Variants in TRIM11 observed in about 807,000 individuals in gnomAD.
TRIM11 encodes the protein tripartite motif containing 11.
In TRIM11, 15 loss-of-function variants were observed where a neutral mutation model predicts 33.4. The observed-to-expected ratio is 0.45, with a 90% confidence interval of 0.30 to 0.69. The LOEUF is 0.69. Among genes scored for constraint, TRIM11 ranks in the 30% least tolerant of loss-of-function variants. The pLI is 0.08. For missense variants in TRIM11, 499 were observed against 667.6 expected, an observed-to-expected ratio of 0.75 and a Z score of 2.78; for synonymous variants, 281 against 302.6, an observed-to-expected ratio of 0.93 and a Z score of 0.74.
Position 228,394,765 on chromosome 1 carries a change from C to T in TRIM11, c.1347G>A (p.Pro449=), listed in dbSNP as rs768928070. 2.4e-5 allele frequency: 38 copies of T among 1,613,434 alleles called. No homozygotes were observed. In the Middle Eastern group the frequency reaches 5.0e-4, roughly 21 times the overall value. Residue 449 remains proline (P), a synonymous_variant, in exon 6 of 6, where the codon CCG becomes CCA. Transcript: ENST00000284551. The surrounding 1 kb of genome is among the most constrained non-coding windows in gnomAD (Gnocchi z 6.2). Reference sequence around the variant, plus strand: ...TCGGCCGGCAGATAGTCATCGGGGTCGGGCTGCTGGACAGGGGTGAGAAGA... The same window carrying T: ...TCGGCCGGCAGATAGTCATCGGGGTTGGGCTGCTGGACAGGGGTGAGAAGA... ...RPLFSPLSSS[P]TPMTICRPKG... is the part of the protein sequence containing the mutation.
rs746662329 is a variant in TRIM11 at position 228,396,993 on chromosome 1, G to A, written c.813C>T (p.Thr271=). ...CTACCAGTCCCGGGACCCTGCACACGGTCCTCAGCTCCATAGGCACAACTT... is the reference window on the plus strand; with the variant it reads ...CTACCAGTCCCGGGACCCTGCACACAGTCCTCAGCTCCATAGGCACAACTT... ...PPEVVPMELR[T]VCRVPGLVET... The change falls in exon 5 of 6, where the codon ACC becomes ACT. Residue 271 remains threonine, a synonymous_variant. Coordinates refer to ENST00000284551, the MANE Select transcript of TRIM11 (RefSeq NM_145214.3). 108 of 1,613,918 alleles carry A rather than the reference G, an allele frequency of 6.7e-5. No individual in the cohort carries two copies. The highest frequency in any genetic ancestry group is 1.6e-4 in the Middle Eastern group (1 of 6,084).
chr1:228,402,640 G>A (rs2149093667), intron 1 of TRIM11: 1 of 153,504 alleles, frequency 6.5e-6, no homozygotes, highest in Non-Finnish European at 1.5e-5. Flanking sequence ...CAAATTCATA[G>A]GTTGAAATCC....
rs1268569990 is a variant in TRIM11, at chr1:228,394,961, CCCAGGAAGACCAGGAT to C, written c.1135_1150del (p.Ile379GlyfsTer69). 1 of 1,614,148 alleles carries C rather than the reference CCCAGGAAGACCAGGAT, an allele frequency of 6.2e-7. No individual in the cohort carries two copies. On this transcript the variant is annotated frameshift_variant, in exon 6 of 6. Transcript: ENST00000284551. LOFTEE classifies it low-confidence loss of function (END_TRUNC). This position sits in a 1 kb window ranked among gnomAD's most constrained non-coding sequence, Gnocchi z 6.2. ...CCGTTCCGAGGAATTGTAATAGCTC[CCCAGGAAGACCAGGAT>C]CCAGAAGCCGTTGCCCGCGGACAGC... is the stretch of plus-strand genomic sequence containing the variant.
chr1:228,406,087 A>AAC lies in TRIM11; in HGVS notation c.408+66_408+67insGT. ...CCCGGAGCAGTCCCCCAAACCTCCC[A>AAC]CCCGCCCAGGCCTCCCCAGTCCCCG... On this transcript the variant is annotated intron_variant, in intron 1 of 5. Coordinates refer to ENST00000284551, the MANE Select transcript of TRIM11 (RefSeq NM_145214.3). The surrounding 1 kb of genome is among the most constrained non-coding windows in gnomAD (Gnocchi z 8.2). 1.6e-6 allele frequency: 1 copy of AAC among 614,412 alleles called. No homozygotes were observed. The highest frequency in any genetic ancestry group is 2.4e-6 in the Non-Finnish European group (1 of 422,684). The allele number at this position is 614,412 out of a possible 1,614,324, so 38.1% of individuals were successfully genotyped here. A position where few individuals can be genotyped will look rare whatever the true frequency, so the allele number is the denominator to read the frequency against.
chr1:228,400,489 AGAG>A lies in TRIM11; in HGVS notation c.735+472_735+474del, dbSNP rs778063743. 6.6e-6 allele frequency among the ~76,000 whole-genome samples: 1 copy of A among 152,192 alleles called. No homozygotes were observed. The highest frequency in any genetic ancestry group is 2.4e-5 in the African/African-American group (1 of 41,436). Reference sequence around the variant, plus strand: ...CATGGGAAAAGACTCTCCTGGAAGCAGAGGAGGAGGAGACTGCCCCCCATAATG... The same window carrying A: ...CATGGGAAAAGACTCTCCTGGAAGCAGAGGAGGAGACTGCCCCCCATAATG... On this transcript the variant is annotated intron_variant, in intron 3 of 5. Transcript: ENST00000284551. This position sits in a 1 kb window ranked among gnomAD's most constrained non-coding sequence, Gnocchi z 4.5.
At position 228,406,340 on chromosome 1, in the gene TRIM11, C is replaced by T. The variant is rs1406416191; in HGVS notation, c.222G>A (p.Met74Ile). Reference protein sequence around the residue: ...NLRPNRPLAKMAEMARRLHPP... With the variant: ...NLRPNRPLAKIAEMARRLHPP... ...GGTGCAGGCGCCGCGCCATCTCGGCCATCTTAGCAAGCGGGCGGTTGGGCC... is the reference window on the plus strand; with the variant it reads ...GGTGCAGGCGCCGCGCCATCTCGGCTATCTTAGCAAGCGGGCGGTTGGGCC... The change falls in exon 1 of 6, where the codon ATG (methionine) becomes ATA (isoleucine). Residue 74 changes from methionine to isoleucine, a missense_variant. By Grantham distance (10) the Met-to-Ile change is conservative. Coordinates refer to ENST00000284551, the MANE Select transcript of TRIM11 (RefSeq NM_145214.3). The surrounding 1 kb of genome is among the most constrained non-coding windows in gnomAD (Gnocchi z 8.2). 3.4e-6 allele frequency: 5 copies of T among 1,483,866 alleles called. No homozygotes were observed. The highest frequency in any genetic ancestry group is 2.7e-5 in the East Asian group (1 of 36,606). The allele number at this position is 1,483,866 out of a possible 1,614,324, so 91.9% of individuals were successfully genotyped here.
intron 5 of TRIM11, chr1:228,396,389 G>A (rs1337624200): frequency 6.2e-6 from 3 of 485,014 alleles, no homozygotes; most frequent in Non-Finnish European, 1.1e-5. Context: ...CTGAGGTGCT[G>A]GGAAGGTGCA....
intron 3 of TRIM11, among the ~76,000 whole-genome samples, chr1:228,399,184 G>T (rs74141225): frequency 0.018 from 2,697 of 152,188 alleles, 91 homozygotes; most frequent in African/African-American, 0.062. Flanking sequence ...CCAACCGGGG[G>T]CCAAGGGTGC....
At chr1:228,402,532 T>C (rs60712895) in intron 1 of TRIM11, 115 of 172,158 alleles carry the variant, frequency 6.7e-4, no homozygotes, top group African/African-American at 2.7e-3. Flanking sequence ...CCCAAGCCAG[T>C]GTCTACTCCT....
intron 3 of TRIM11, among the ~76,000 whole-genome samples, chr1:228,398,396 T>A (rs2075004399): frequency 6.6e-6 from 1 of 152,060 alleles, no homozygotes; most frequent in African/African-American, 2.4e-5. Context: ...GGCAGGCAGA[T>A]CACTTGAGTC....
intron 3 of TRIM11, among the ~76,000 whole-genome samples, chr1:228,399,891 C>CAAAAAAAAAAAAAAA (rs58986540): frequency 3.9e-4 from 36 of 92,456 alleles, no homozygotes; most frequent in Non-Finnish European, 5.9e-4. Context: ...AAAAAAAAAA[C>CAAAAAAAAAAAAAAA]AAAAAAAAAA....
In TRIM11 at chr1:228,406,100, T is replaced by A; in HGVS notation, c.408+54A>T. The A allele has an allele frequency of 1.5e-4, 97 of 668,788 alleles. No individual in the cohort carries two copies. The highest frequency in any genetic ancestry group is 1.9e-4 in the Non-Finnish European group (89 of 477,470). The allele number at this position is 668,788 out of a possible 1,614,324, so 41.4% of individuals were successfully genotyped here. On this transcript the variant is annotated intron_variant, in intron 1 of 5. Transcript: ENST00000284551. This position sits in a 1 kb window ranked among gnomAD's most constrained non-coding sequence, Gnocchi z 8.2. The stretch of plus-strand genomic sequence containing the variant: ...CCCAAACCTCCCACCCGCCCAGGCC[T>A]CCCCAGTCCCCGGCTCCCCGACGCC...
chr1:228,397,926 G>A (rs914265288), intron 3 of TRIM11, among the ~76,000 whole-genome samples: 13 of 152,184 alleles, frequency 8.5e-5, no homozygotes, highest in Non-Finnish European at 1.3e-4. Flanking sequence ...GCATCTACAG[G>A]CCCAAGAGAT....
At position 228,395,520 on chromosome 1, in the gene TRIM11, T is replaced by A; in HGVS notation, c.860-268A>T. On this transcript the variant is annotated intron_variant, in intron 5 of 5. Coordinates refer to ENST00000284551, the MANE Select transcript of TRIM11 (RefSeq NM_145214.3). This position sits in a 1 kb window ranked among gnomAD's most constrained non-coding sequence, Gnocchi z 4.8. ...TATCAAGAGGGAATCTTGGTTGCTT[T>A]TTTTTTTTTTTTTAAAGAGGCAGGG... The A allele has an allele frequency of 3.5e-6, 1 of 288,262 alleles. No individual in the cohort carries two copies. The highest frequency in any genetic ancestry group is 6.4e-6 in the Non-Finnish European group (1 of 156,664). The allele number at this position is 288,262 out of a possible 1,614,324, so 17.9% of individuals were successfully genotyped here. A position where few individuals can be genotyped will look rare whatever the true frequency, so the allele number is the denominator to read the frequency against.
intron 5 of TRIM11, chr1:228,396,151 G>A (rs1178702173): frequency 1.9e-5 from 3 of 156,108 alleles, no homozygotes; most frequent in Non-Finnish European, 4.3e-5. Flanking sequence ...GCTGAGGTGG[G>A]GACCTGAGAG....
chr1:228,406,094 CAGGCCT>C lies in TRIM11; in HGVS notation c.408+54_408+59del. ...CAGTCCCCCAAACCTCCCACCCGCCCAGGCCTCCCCAGTCCCCGGCTCCCCGACGCC... is the reference window on the plus strand; with the variant it reads ...CAGTCCCCCAAACCTCCCACCCGCCCCCCCAGTCCCCGGCTCCCCGACGCC... On this transcript the variant is annotated intron_variant, in intron 1 of 5. Coordinates refer to ENST00000284551, the MANE Select transcript of TRIM11 (RefSeq NM_145214.3). This position sits in a 1 kb window ranked among gnomAD's most constrained non-coding sequence, Gnocchi z 8.2. 3.0e-6 allele frequency: 4 copies of C among 1,312,478 alleles called. No homozygotes were observed. The highest frequency in any genetic ancestry group is 1.6e-5 in the African/African-American group (1 of 64,408). The allele number at this position is 1,312,478 out of a possible 1,614,324, so 81.3% of individuals were successfully genotyped here. A position where few individuals can be genotyped will look rare whatever the true frequency, so the allele number is the denominator to read the frequency against.
chr1:228,394,681 AG>A lies in TRIM11; in HGVS notation c.*23del. 3.2e-6 allele frequency: 5 copies of A among 1,562,796 alleles called. No homozygotes were observed. The highest frequency in any genetic ancestry group is 3.5e-6 in the Non-Finnish European group (4 of 1,151,298). ...GGCCTGGAGGGGCAGGAGAGGCAAC[AG>A]GACTCCTCCAGGAGGGCCCGAGTCA... On this transcript the variant is annotated 3_prime_UTR_variant, in exon 6 of 6. Coordinates refer to ENST00000284551, the MANE Select transcript of TRIM11 (RefSeq NM_145214.3). The surrounding 1 kb of genome is among the most constrained non-coding windows in gnomAD (Gnocchi z 6.2).
chr1:228,399,374 G>A (rs1376431792), intron 3 of TRIM11, among the ~76,000 whole-genome samples: 1 of 152,212 alleles, frequency 6.6e-6, no homozygotes, highest in Non-Finnish European at 1.5e-5. Context: ...CCAAACCTGG[G>A]CAGGGAGCTT....
In TRIM11 at chr1:228,394,701, C is replaced by T. The variant is rs1186147842; in HGVS notation, c.*4G>A. The T allele has an allele frequency of 1.6e-5, 26 of 1,589,570 alleles. No individual in the cohort carries two copies. The highest frequency in any genetic ancestry group is 1.3e-4 in the East Asian group (6 of 44,490). ...GCAACAGGACTCCTCCAGGAGGGCC[C>T]GAGTCACTGGGGAGCCAGGGTGTCC... is the stretch of plus-strand genomic sequence containing the variant. On this transcript the variant is annotated 3_prime_UTR_variant, in exon 6 of 6. Transcript: ENST00000284551. The surrounding 1 kb of genome is among the most constrained non-coding windows in gnomAD (Gnocchi z 6.2).
Sources: gnomAD v4.1 joint callset for allele counts (sites outside exome capture counted in the v4.1 genomes callset) on GRCh38, gnomAD v4.1.1 for gene constraint, Gnocchi (gnomAD v3.1) non-coding constraint, MANE v1.5 for transcripts, NCBI Gene and HGNC (gene_info 2026-07-23, HGNC 2026-07-21) for gene names.